LRRC4C: variants seen among roughly 807,000 people sequenced by gnomAD.
The protein encoded by LRRC4C is leucine rich repeat containing 4C, also known as leucine-rich repeat-containing protein 4C.
Under a neutral mutation model 33.6 loss-of-function variants are expected in LRRC4C, and 5 were observed. The observed-to-expected ratio is 0.15, with a 90% CI of 0.08 to 0.31. The LOEUF (loss-of-function observed/expected upper bound fraction) is 0.31. Ranked by LOEUF, LRRC4C falls within the 10% of genes least tolerant of loss-of-function variation. LRRC4C has a pLI of 1.00. For synonymous variants in LRRC4C, 329 were observed against 302.0 expected, an observed-to-expected ratio of 1.09 and a Z score of -0.93; for missense variants, 560 against 796.7, an observed-to-expected ratio of 0.70 and a Z score of 3.58.
chr11:40,206,785 T>A (rs1310253604), intron 5 of LRRC4C, among the ~76,000 whole-genome samples: 1 of 142,282 alleles, frequency 7.0e-6, no homozygotes, highest in Non-Finnish European at 1.6e-5. Flanking sequence ...TATGTGGAAG[T>A]GTTGGGGGTG....
At position 40,475,291 on chromosome 11, in the gene LRRC4C, G is replaced by T. The variant is rs1054460784; in HGVS notation, c.-269-155570C>A. Among the ~76,000 whole-genome samples, 67 of 152,182 alleles carry T rather than the reference G, an allele frequency of 4.4e-4. 1 individual carries two copies. Among genetic ancestry groups the T allele is most frequent in the African/African-American group, 1.5e-3 (64 of 41,524 alleles). Reference sequence around the variant, plus strand: ...CAGCCATAAAAAAGGAAAAGTTCATGTTTTTTGCAGGGAGATGGATGAAGC... The same window carrying T: ...CAGCCATAAAAAAGGAAAAGTTCATTTTTTTTGCAGGGAGATGGATGAAGC... On this transcript the variant is annotated intron_variant, in intron 3 of 6. Transcript: ENST00000528697.
At chr11:41,442,615 G>A (rs1968625) in intron 1 of LRRC4C, among the ~76,000 whole-genome samples, 73,694 of 150,400 alleles carry the variant, frequency 0.49, 18,331 homozygotes, top group Middle Eastern at 0.6. Flanking sequence ...GACTACAGGC[G>A]CCCATCACCA....
chr11:40,385,863 C>CAAATAAATAAATAAATAAAT (rs60952313), intron 3 of LRRC4C, among the ~76,000 whole-genome samples: 12,521 of 137,954 alleles, frequency 0.091, 746 homozygotes, highest in Admixed American at 0.14. Context: ...GAGACTCTGT[C>CAAATAAATAAATAAATAAAT]AAATAAATAA....
intron 2 of LRRC4C, among the ~76,000 whole-genome samples, chr11:40,777,023 A>G (rs567313165): frequency 9.9e-5 from 15 of 152,174 alleles, no homozygotes; most frequent in South Asian, 6.2e-4. Context: ...TTTCCATGTA[A>G]TTGTATGGTT....
At chr11:40,160,841 A>G (rs896159859) in intron 5 of LRRC4C, among the ~76,000 whole-genome samples, 8 of 152,324 alleles carry the variant, frequency 5.3e-5, no homozygotes, top group Admixed American at 5.2e-4. Flanking sequence ...AAGGAGAGTC[A>G]GAACTAGGGG....
At chr11:40,534,742 T>C (rs749418089) in intron 3 of LRRC4C, among the ~76,000 whole-genome samples, 1 of 152,224 alleles carries the variant, frequency 6.6e-6, no homozygotes, top group Non-Finnish European at 1.5e-5. Flanking sequence ...AAAGAGTGTT[T>C]GCAACCTGCT....
intron 1 of LRRC4C, among the ~76,000 whole-genome samples, chr11:41,147,594 C>T (rs1395563783): frequency 6.6e-6 from 1 of 152,010 alleles, no homozygotes; most frequent in African/African-American, 2.4e-5. Context: ...TAATTGTATA[C>T]ATTTATGGGG....
chr11:41,452,883 T>C (rs1204895648), intron 1 of LRRC4C, among the ~76,000 whole-genome samples: 1 of 152,128 alleles, frequency 6.6e-6, no homozygotes, highest in African/African-American at 2.4e-5. Context: ...ACTGCTAAGT[T>C]ATTATCATAA....
intron 1 of LRRC4C, among the ~76,000 whole-genome samples, chr11:41,298,988 A>T (rs543549718): frequency 6.6e-6 from 1 of 152,274 alleles, no homozygotes; most frequent in East Asian, 1.9e-4. Flanking sequence ...TTATGCCTGA[A>T]TAGTATTCCA....
intron 2 of LRRC4C, among the ~76,000 whole-genome samples, chr11:40,771,054 C>T (rs1158366375): frequency 6.6e-6 from 1 of 152,208 alleles, no homozygotes; most frequent in African/African-American, 2.4e-5. Context: ...AGTGGGGACT[C>T]AGTGTGGGGA....
At chr11:40,236,571 G>T (rs1001154917) in intron 5 of LRRC4C, among the ~76,000 whole-genome samples, 3 of 152,094 alleles carry the variant, frequency 2.0e-5, no homozygotes, top group Non-Finnish European at 4.4e-5. Context: ...TTTGACAAAA[G>T]GATTATGAAC....
At chr11:40,604,343 C>A (rs890615878) in intron 3 of LRRC4C, among the ~76,000 whole-genome samples, 4 of 151,998 alleles carry the variant, frequency 2.6e-5, no homozygotes, top group Non-Finnish European at 4.4e-5. Flanking sequence ...ATGATATTAT[C>A]ATATATTGAG....
intron 1 of LRRC4C, among the ~76,000 whole-genome samples, chr11:41,407,710 G>A (rs956139530): frequency 5.3e-5 from 8 of 152,220 alleles, no homozygotes; most frequent in Non-Finnish European, 1.2e-4. Flanking sequence ...AGCTGTCCCT[G>A]TGGTGAGATT....
chr11:41,162,564 A>G (rs1399015669), intron 1 of LRRC4C, among the ~76,000 whole-genome samples: 1 of 152,200 alleles, frequency 6.6e-6, no homozygotes, highest in Non-Finnish European at 1.5e-5. Flanking sequence ...GGTATAGCCT[A>G]TTGCTCCTTA....
intron 1 of LRRC4C, among the ~76,000 whole-genome samples, chr11:41,011,359 T>C (rs1855161648): frequency 2.6e-5 from 4 of 152,164 alleles, no homozygotes; most frequent in Admixed American, 2.6e-4. Flanking sequence ...ATCAAATATA[T>C]AGTACATCTT....
intron 2 of LRRC4C, among the ~76,000 whole-genome samples, chr11:40,876,996 T>C (rs1954927540): frequency 6.6e-6 from 1 of 151,708 alleles, no homozygotes; most frequent in Non-Finnish European, 1.5e-5. Flanking sequence ...CTCACTTTTG[T>C]GAGTAAGAGA....
chr11:40,386,119 C>G (rs2048020330), intron 3 of LRRC4C, among the ~76,000 whole-genome samples: 1 of 151,514 alleles, frequency 6.6e-6, no homozygotes, highest in Non-Finnish European at 1.5e-5. Flanking sequence ...GTAAAAGTGT[C>G]AGAAAATAAG....
chr11:41,294,568 T>A (rs1011752907), intron 1 of LRRC4C, among the ~76,000 whole-genome samples: 2 of 152,222 alleles, frequency 1.3e-5, no homozygotes, highest in East Asian at 1.9e-4. Flanking sequence ...TTTATGAGAA[T>A]GTATAATGCA....
chr11:41,414,311 T>G (rs1045598138), intron 1 of LRRC4C, among the ~76,000 whole-genome samples: 4 of 152,154 alleles, frequency 2.6e-5, no homozygotes, highest in Middle Eastern at 3.2e-3. Flanking sequence ...TTATCTAATT[T>G]GGAAATCAAG....
Sources: allele counts gnomAD v4.1 joint callset (sites outside exome capture counted in the v4.1 genomes callset), GRCh38; gene constraint gnomAD v4.1.1; transcripts MANE v1.5; gene names NCBI Gene and HGNC (gene_info 2026-07-23, HGNC 2026-07-21).